Variants in GPLD1 observed in about 807,000 individuals in gnomAD.
GPLD1 encodes phosphatidylinositol-glycan-specific phospholipase D.
Under a neutral mutation model 112.6 loss-of-function variants are expected in GPLD1, and 84 were observed. That is an observed-to-expected ratio of 0.75 (90% CI 0.63 to 0.89). GPLD1 has a LOEUF of 0.89. GPLD1 is among the 40% of genes least tolerant of loss of function. The pLI is 0.00. For synonymous variants in GPLD1, 386 were observed against 403.8 expected (o/e 0.96, Z 0.53); for missense variants, 1,044 against 1,051.5 (o/e 0.99, Z 0.10).
intron 1 of GPLD1, among the ~76,000 whole-genome samples, chr6:24,489,001 C>T (rs559168459): frequency 6.6e-6 from 1 of 152,330 alleles, no homozygotes; most frequent in Admixed American, 6.5e-5. Flanking sequence ...TGGCTCTTTA[C>T]ATATACTTGG....
At chr6:24,441,521 T>TCA (rs1762746117) in intron 20 of GPLD1, among the ~76,000 whole-genome samples, 1 of 152,190 alleles carries the variant, frequency 6.6e-6, no homozygotes, top group South Asian at 2.1e-4. Flanking sequence ...TGCATTCGTT[T>TCA]CAGTGATGCC....
chr6:24,441,991 T>C (rs865930371), intron 20 of GPLD1, among the ~76,000 whole-genome samples: 2 of 148,488 alleles, frequency 1.3e-5, no homozygotes, highest in African/African-American at 2.4e-5. Context: ...ACATTATATA[T>C]AGACACATAC....
intron 1 of GPLD1, among the ~76,000 whole-genome samples, chr6:24,488,636 GC>G (rs199530937): frequency 1.3e-5 from 2 of 151,380 alleles, no homozygotes; most frequent in Non-Finnish European, 2.9e-5. Context: ...TGTGGGGGGG[GC>G]GGATGTGTTA....
chr6:24,479,720 A>G (rs554493418), intron 3 of GPLD1, among the ~76,000 whole-genome samples, 161 bp downstream of exon 3: 1 of 152,362 alleles, frequency 6.6e-6, no homozygotes, highest in African/African-American at 2.4e-5. Context: ...GTCATTAACC[A>G]ACAATATTGT....
At position 24,481,608 on chromosome 6, in the gene GPLD1, AATGG is replaced by A. The variant is rs534717662; in HGVS notation, c.154-1653_154-1650del. On this transcript the variant is annotated intron_variant, in intron 2 of 24. Transcript: ENST00000230036. ...CCCTCACCACAGAGTTTGGCTCAGAAATGGACCTTTGAGCAAAGCTAGTTCCGTT... is the reference window on the plus strand; with the variant it reads ...CCCTCACCACAGAGTTTGGCTCAGAAACCTTTGAGCAAAGCTAGTTCCGTT... Among the ~76,000 whole-genome samples the A allele has an allele frequency of 4.6e-5, 7 of 152,246 alleles. No individual in the cohort carries two copies. In the East Asian group the frequency reaches 1.4e-3, roughly 29 times the overall value.
At chr6:24,480,425 C>G (rs1422111373) in intron 2 of GPLD1, among the ~76,000 whole-genome samples, 2 of 152,092 alleles carry the variant, frequency 1.3e-5, no homozygotes, top group African/African-American at 4.8e-5. Context: ...CAGGTTCAAG[C>G]GATTCTCCTG....
intron 24 of GPLD1, among the ~76,000 whole-genome samples, chr6:24,431,772 C>T (rs528468749): frequency 3.9e-4 from 59 of 151,742 alleles, no homozygotes; most frequent in African/African-American, 1.1e-3. Flanking sequence ...TGACCTCAGG[C>T]GATCCACCAA....
upstream of GPLD1, among the ~76,000 whole-genome samples, chr6:24,492,313 TG>T (rs1764576882): frequency 6.6e-6 from 1 of 151,992 alleles, no homozygotes; most frequent in African/African-American, 2.4e-5. Flanking sequence ...AAGACCAGCC[TG>T]GCCAACATGG....
chr6:24,449,880 G>A lies in GPLD1; in HGVS notation c.1355C>T (p.Ser452Leu), dbSNP rs149093201. Residue 452 changes from serine to leucine, a missense_variant, in exon 15 of 25, where the codon TCG (serine) becomes TTG (leucine). By Grantham distance (145) the Ser-to-Leu change is moderately radical. Transcript: ENST00000230036. ...EGFQPSGRFGSALAVLDFNVD... is the reference protein window; with the variant it reads ...EGFQPSGRFGLALAVLDFNVD... ...GTTAAAGTCCAACACAGCCAAGGCC[G>A]AGCCAAACCGACCTGAGGGCTGAAG... 5.0e-4 allele frequency: 806 copies of A among 1,613,632 alleles called. No individual in the cohort carries two copies. Among genetic ancestry groups the A allele is most frequent in the Non-Finnish European group, 6.4e-4 (750 of 1,179,712 alleles).
intron 1 of GPLD1, among the ~76,000 whole-genome samples, chr6:24,488,198 G>A (rs1209822856): frequency 6.6e-6 from 1 of 152,024 alleles, no homozygotes; most frequent in Non-Finnish European, 1.5e-5. Flanking sequence ...GCAAGGTCAG[G>A]AGATCGAGAT....
At chr6:24,452,624 A>C (rs1378547979) in intron 14 of GPLD1, among the ~76,000 whole-genome samples, 3 of 152,128 alleles carry the variant, frequency 2.0e-5, no homozygotes, top group African/African-American at 7.2e-5. Flanking sequence ...AAAAATACAA[A>C]AATTAGCCGG....
At chr6:24,470,066 C>A (rs116756563) in intron 7 of GPLD1, among the ~76,000 whole-genome samples, 1 of 152,038 alleles carries the variant, frequency 6.6e-6, no homozygotes, top group Non-Finnish European at 1.5e-5. Context: ...AATGGGACAA[C>A]CAGCTTTTGC....
chr6:24,460,552 A>G (rs1307696318), intron 11 of GPLD1, among the ~76,000 whole-genome samples, 153 bp from the exon 12 acceptor site: 1 of 152,228 alleles, frequency 6.6e-6, no homozygotes, highest in African/African-American at 2.4e-5. Context: ...AAGTTTTAGA[A>G]AACCTTCATT....
intron 18 of GPLD1, among the ~76,000 whole-genome samples, chr6:24,446,184 T>C (rs1334467874): frequency 6.6e-6 from 1 of 152,036 alleles, no homozygotes; most frequent in African/African-American, 2.4e-5. Flanking sequence ...AGACAGAGTC[T>C]TTAAAGAGGT....
Position 24,448,118 on chromosome 6 carries a change from A to C in GPLD1, c.1521+16T>G. ...GAGTTCTAGGTTTCTGCACCTGGCT[A>C]AAGTGGTAAACATACCTGGCAAGAA... On this transcript the variant is annotated intron_variant, in intron 16 of 24. Coordinates refer to ENST00000230036, the MANE Select transcript of GPLD1 (RefSeq NM_001503.4). 1 of 1,611,558 alleles carries C rather than the reference A, an allele frequency of 6.2e-7. No individual in the cohort carries two copies. The highest frequency in any genetic ancestry group is 1.1e-5 in the South Asian group (1 of 90,950).
intron 11 of GPLD1, among the ~76,000 whole-genome samples, chr6:24,461,785 T>C (rs1281804272): frequency 5.3e-5 from 8 of 152,354 alleles, no homozygotes; most frequent in South Asian, 2.1e-4. Flanking sequence ...GAGCAGGAAC[T>C]GTTTCTGTCT....
chr6:24,433,341 C>T, intron 23 of GPLD1, 22 bp downstream of exon 23: 1 of 1,606,270 alleles, frequency 6.2e-7, no homozygotes, highest in East Asian at 2.2e-5. Flanking sequence ...TTTCTTTCTT[C>T]AGTCTTTCAA....
chr6:24,480,838 G>T (rs1764178180), intron 2 of GPLD1, among the ~76,000 whole-genome samples: 1 of 152,186 alleles, frequency 6.6e-6, no homozygotes, highest in Non-Finnish European at 1.5e-5. Flanking sequence ...TCAGCTCACA[G>T]TCTGATATGG....
At chr6:24,495,263 G>A (rs964260186), upstream of GPLD1, 4 of 1,532,450 alleles carry the variant, frequency 2.6e-6, no homozygotes, top group East Asian at 2.5e-5. Flanking sequence ...CTCTGGGCAT[G>A]GTAGCCGACT....
Sources: gnomAD v4.1 joint callset for allele counts (sites outside exome capture counted in the v4.1 genomes callset) on GRCh38, gnomAD v4.1.1 for gene constraint, MANE v1.5 for transcripts, NCBI Gene and HGNC (gene_info 2026-07-23, HGNC 2026-07-21) for gene names.